Variants in PRTFDC1 observed in about 807,000 individuals in gnomAD.
PRTFDC1 encodes the protein phosphoribosyltransferase domain-containing protein 1.
A neutral mutation model predicts 34.6 loss-of-function variants in PRTFDC1; 38 were observed. That is an observed-to-expected ratio of 1.10 (90% confidence interval 0.85 to 1.44). The LOEUF is 1.44. PRTFDC1 is among the 40% of genes most tolerant of loss of function. The pLI is 0.00. For synonymous variants in PRTFDC1, 93 were observed against 98.1 expected, an observed-to-expected ratio of 0.95 and a Z score of 0.31; for missense variants, 270 against 283.0, an observed-to-expected ratio of 0.95 and a Z score of 0.33.
intron 3 of PRTFDC1, among the ~76,000 whole-genome samples, chr10:24,926,213 A>G (rs1239074154): frequency 6.6e-6 from 1 of 152,202 alleles, no homozygotes; most frequent in African/African-American, 2.4e-5. Flanking sequence ...GTGAAACTTT[A>G]TAAGGATCTT....
intron 3 of PRTFDC1, among the ~76,000 whole-genome samples, chr10:24,873,691 A>G (rs550676365): frequency 2.0e-5 from 3 of 152,184 alleles, no homozygotes; most frequent in East Asian, 1.9e-4. Context: ...ACTCAAGCCA[A>G]TTCCCTTAGG....
chr10:24,857,709 G>A (rs1355623534), intron 5 of PRTFDC1, among the ~76,000 whole-genome samples: 1 of 151,928 alleles, frequency 6.6e-6, no homozygotes, highest in East Asian at 1.9e-4. Flanking sequence ...AACTCCAGAT[G>A]CACATGGCGC....
At chr10:24,894,481 C>A (rs1454726039) in intron 3 of PRTFDC1, among the ~76,000 whole-genome samples, 1 of 152,184 alleles carries the variant, frequency 6.6e-6, no homozygotes, top group Admixed American at 6.5e-5. Flanking sequence ...AGGCTCTGGA[C>A]AGGCAAGGTG....
intron 3 of PRTFDC1, among the ~76,000 whole-genome samples, chr10:24,899,202 G>A (rs1236001680): frequency 1.3e-5 from 2 of 152,064 alleles, no homozygotes. Flanking sequence ...ACCACCGTTG[G>A]GGCAACTGAG....
intron 3 of PRTFDC1, among the ~76,000 whole-genome samples, chr10:24,900,548 G>C (rs1052318448): frequency 6.6e-6 from 1 of 152,192 alleles, no homozygotes; most frequent in Non-Finnish European, 1.5e-5. Context: ...GAGGGAGAAG[G>C]AATGTGTGGA....
At chr10:24,882,307 C>T (rs1346478925) in intron 3 of PRTFDC1, among the ~76,000 whole-genome samples, 2 of 151,944 alleles carry the variant, frequency 1.3e-5, no homozygotes, top group African/African-American at 4.8e-5. Context: ...GCATGGGTGC[C>T]CCAATGACAG....
intron 4 of PRTFDC1, among the ~76,000 whole-genome samples, chr10:24,861,069 A>G (rs1221506784): frequency 6.6e-6 from 1 of 151,452 alleles, no homozygotes; most frequent in African/African-American, 2.5e-5. Context: ...CATCTTTGAA[A>G]AGATTAGCTT....
intron 1 of PRTFDC1, among the ~76,000 whole-genome samples, chr10:24,951,293 T>C (rs1849339581): frequency 6.6e-6 from 1 of 152,120 alleles, no homozygotes; most frequent in Non-Finnish European, 1.5e-5. Flanking sequence ...ATTTGAAATT[T>C]TCTCTATTTG....
intron 5 of PRTFDC1, among the ~76,000 whole-genome samples, chr10:24,857,613 A>C (rs1216416820): frequency 6.6e-6 from 1 of 152,230 alleles, no homozygotes; most frequent in African/African-American, 2.4e-5. Flanking sequence ...TCATGAGCTG[A>C]TTATCAAAAC....
In PRTFDC1 at chr10:24,905,238, G is replaced by C. The variant is rs117920223; in HGVS notation, c.339+31946C>G. Among the ~76,000 whole-genome samples the C allele has an allele frequency of 3.7e-3, 564 of 151,910 alleles. 20 individuals carry two copies. The East Asian group carries it at 0.085, about 23-fold the overall frequency. On this transcript the variant is annotated intron_variant, in intron 3 of 8. Coordinates refer to ENST00000320152, the MANE Select transcript of PRTFDC1 (RefSeq NM_020200.7). ...AGAGGTGGGCGGATTGCTTGAGCCTGGGAGATTGAGACTACAGTGAGTCGA... is the reference window on the plus strand; with the variant it reads ...AGAGGTGGGCGGATTGCTTGAGCCTCGGAGATTGAGACTACAGTGAGTCGA...
At chr10:24,906,562 G>A (rs1848539345) in intron 3 of PRTFDC1, among the ~76,000 whole-genome samples, 1 of 152,228 alleles carries the variant, frequency 6.6e-6, no homozygotes, top group African/African-American at 2.4e-5. Flanking sequence ...GCCTTACCAT[G>A]TGGAACAAAG....
At chr10:24,900,641 A>G (rs1848434206) in intron 3 of PRTFDC1, among the ~76,000 whole-genome samples, 1 of 152,240 alleles carries the variant, frequency 6.6e-6, no homozygotes, top group African/African-American at 2.4e-5. Flanking sequence ...TTCTCATCAA[A>G]GTGATTCACT....
At chr10:24,942,220 C>T in intron 2 of PRTFDC1, 110 bp downstream of exon 2, 1 of 821,052 alleles carries the variant, frequency 1.2e-6, no homozygotes, top group East Asian at 2.4e-5. Context: ...GTTCTCTCTA[C>T]CACTATAAAA....
intron 1 of PRTFDC1, among the ~76,000 whole-genome samples, chr10:24,948,845 C>T (rs1404542501): frequency 6.6e-6 from 1 of 152,216 alleles, no homozygotes; most frequent in East Asian, 1.9e-4. Context: ...TTTAGCAATA[C>T]ATTCACATAG....
intron 3 of PRTFDC1, among the ~76,000 whole-genome samples, chr10:24,874,630 A>C (rs1847930911): frequency 6.6e-6 from 1 of 152,232 alleles, no homozygotes; most frequent in Non-Finnish European, 1.5e-5. Context: ...CAAAAACCAC[A>C]AAAATCAGAT....
intron 4 of PRTFDC1, among the ~76,000 whole-genome samples, chr10:24,869,799 C>G (rs1847844575): frequency 6.6e-6 from 1 of 152,190 alleles, no homozygotes; most frequent in African/African-American, 2.4e-5. Flanking sequence ...TTCTCTCCAC[C>G]TCTCAACTAA....
chr10:24,944,414 C>G (rs1052131589), intron 1 of PRTFDC1, among the ~76,000 whole-genome samples: 11 of 152,176 alleles, frequency 7.2e-5, no homozygotes, highest in Non-Finnish European at 1.5e-4. Flanking sequence ...CCAGGACTGT[C>G]CCAGGAGCCA....
chr10:24,892,306 T>G (rs1325281768), intron 3 of PRTFDC1, among the ~76,000 whole-genome samples: 1 of 152,138 alleles, frequency 6.6e-6, no homozygotes, highest in Non-Finnish European at 1.5e-5. Flanking sequence ...TATTTTTAAT[T>G]TTTTGAGGAA....
rs114265006 is a variant in PRTFDC1, at chr10:24,952,399, C to T, written c.48+129G>A. 1.2e-3 allele frequency: 1,364 copies of T among 1,126,556 alleles called. 10 individuals carry two copies. The African/African-American group carries it at 0.017, about 14-fold the overall frequency. 69.8% of individuals were successfully genotyped at this position (1,126,556 alleles called of 1,614,324 possible). On this transcript the variant is annotated intron_variant, in intron 1 of 8. Transcript: ENST00000320152. The surrounding 1 kb of genome is among the most constrained non-coding windows in gnomAD (Gnocchi z 5.1). The stretch of plus-strand genomic sequence containing the variant: ...CCGGGTCCGAGGATGGAAGCGATCC[C>T]CGCCGGGAGGGAGAACAAAGCGGTG...
Sources: allele counts gnomAD v4.1 joint callset (sites outside exome capture counted in the v4.1 genomes callset), GRCh38; gene constraint gnomAD v4.1.1; non-coding constraint Gnocchi (gnomAD v3.1); transcripts MANE v1.5; gene names NCBI Gene and HGNC (gene_info 2026-07-23, HGNC 2026-07-21).